The following SYNE3 variants were observed in gnomAD, a reference collection of about 807,000 sequenced individuals.
SYNE3 encodes the protein nesprin-3.
Under a neutral mutation model 111.2 loss-of-function variants are expected in SYNE3, and 100 were observed. That is an observed-to-expected ratio of 0.90 (90% CI 0.77 to 1.06). The LOEUF is 1.06. Among genes scored for constraint, SYNE3 ranks in the 50% least tolerant of loss-of-function variants. The pLI, the probability that SYNE3 is intolerant of heterozygous loss-of-function variation, is 0.00. For missense variants in SYNE3, 1,160 were observed against 1,240.3 expected (o/e 0.94, Z 0.97); for synonymous variants, 547 against 533.9 (o/e 1.02, Z -0.34).
intron 2 of SYNE3, among the ~76,000 whole-genome samples, chr14:95,473,224 C>T (rs746753502): frequency 3.3e-5 from 5 of 152,164 alleles, no homozygotes; most frequent in Non-Finnish European, 5.9e-5. Context: ...CCCACCCCCT[C>T]GGGGCTCACA....
chr14:95,420,537 C>T (rs1420034137), intron 17 of SYNE3, among the ~76,000 whole-genome samples: 2 of 152,094 alleles, frequency 1.3e-5, no homozygotes, highest in African/African-American at 4.8e-5. Flanking sequence ...CTTTGAAGGT[C>T]CAAAAAGTGT....
rs957820732 is a variant in SYNE3 at position 95,513,861 on chromosome 14, C to T, written c.-15+2735G>A. On this transcript the variant is annotated intron_variant, in intron 1 of 17. Transcript: ENST00000682763. ...TCAGTACTGTTTTCCCAGTGATGAA[C>T]GTACAACTTTGTCCTTGGATTGTCT... 6.6e-5 allele frequency among the ~76,000 whole-genome samples: 10 copies of T among 150,444 alleles called. 1 individual carries two copies. In the South Asian group the frequency reaches 8.4e-4, roughly 13 times the overall value.
intron 17 of SYNE3, among the ~76,000 whole-genome samples, chr14:95,428,744 C>G (rs934936714): frequency 6.6e-6 from 1 of 152,244 alleles, no homozygotes; most frequent in African/African-American, 2.4e-5. Flanking sequence ...CTCAATGCTG[C>G]AGGCAAACAC....
chr14:95,458,679 A>G lies in SYNE3; in HGVS notation c.628-1341T>C, dbSNP rs1057219459. On this transcript the variant is annotated intron_variant, in intron 4 of 17. Transcript: ENST00000682763. ...CTTCATCACAGCAGTTGTCCATGGC[A>G]TCGTCACCCACTGGGGGATCCAGGA... 2.0e-5 allele frequency among the ~76,000 whole-genome samples: 3 copies of G among 152,198 alleles called. No individual in the cohort carries two copies. In the East Asian group the frequency reaches 5.8e-4, roughly 29 times the overall value.
intron 15 of SYNE3, among the ~76,000 whole-genome samples, chr14:95,433,876 G>C (rs959356167): frequency 6.6e-6 from 1 of 152,156 alleles, no homozygotes; most frequent in Non-Finnish European, 1.5e-5. Context: ...TGATGGGGCA[G>C]TAGGAGCGGG....
rs1314451566 is a variant in SYNE3 at position 95,457,381 on chromosome 14, C to T, written c.628-43G>A. ...TCACCAGCCATGAGGGTCCCCAGCC[C>T]AGACAGCCCAAAGGCCAGAAAGCCC... On this transcript the variant is annotated intron_variant, in intron 4 of 17. Transcript: ENST00000682763. The T allele has an allele frequency of 2.5e-6, 4 of 1,601,268 alleles. No individual in the cohort carries two copies. In the African/African-American group the frequency reaches 5.4e-5, roughly 21 times the overall value.
rs11622091 is a variant in SYNE3, at chr14:95,500,470, C to T, written c.-15+16126G>A. 0.13 allele frequency among the ~76,000 whole-genome samples: 20,103 copies of T among 152,208 alleles called. 1,610 individuals are homozygous for T. Among genetic ancestry groups the T allele is most frequent in the Non-Finnish European group, 0.17 (11,672 of 67,988 alleles). ...TTGAGTCCCCAGACCTCAGCACCAG[C>T]GGCCGCCCACAGCCAGGCAGCAGGG... is the stretch of plus-strand genomic sequence containing the variant. On this transcript the variant is annotated intron_variant, in intron 1 of 17. Transcript: ENST00000682763. This position sits in a 1 kb window ranked among gnomAD's most constrained non-coding sequence, Gnocchi z 4.7.
In SYNE3 at chr14:95,444,542, G is replaced by A. The variant is rs760945215; in HGVS notation, c.1719C>T (p.Ala573=). The change falls in exon 10 of 18, where the codon GCC becomes GCT. Residue 573 remains alanine, a synonymous_variant. Transcript: ENST00000682763. ...KLLDLQVRVQ[A]EKGLQRDLPG... ...GAAGGTCCCGCTGAAGCCCCTTCTC[G>A]GCTTGGACCCTGACCTGGAGGTCCA... is the stretch of plus-strand genomic sequence containing the variant. 25 of 1,613,516 alleles carry A rather than the reference G, an allele frequency of 1.5e-5. No individual in the cohort carries two copies. The highest frequency in any genetic ancestry group is 1.2e-4 in the Admixed American group (7 of 59,984).
At chr14:95,473,772 C>A (rs60073301) in intron 2 of SYNE3, among the ~76,000 whole-genome samples, 1,640 of 30,172 alleles carry the variant, frequency 0.054, 2 homozygotes, top group African/African-American at 0.071. Flanking sequence ...GGCTGGAGCT[C>A]AGGCCAGTGT....
At chr14:95,447,775 C>G (rs1020510722) in intron 8 of SYNE3, among the ~76,000 whole-genome samples, 6 of 152,158 alleles carry the variant, frequency 3.9e-5, no homozygotes, top group African/African-American at 1.2e-4. Context: ...GATCATGAGT[C>G]TGGATTATGT....
intron 1 of SYNE3, among the ~76,000 whole-genome samples, chr14:95,489,120 G>A (rs1438572658): frequency 6.6e-6 from 1 of 152,224 alleles, no homozygotes; most frequent in Non-Finnish European, 1.5e-5. Context: ...TTCTCAGGGT[G>A]CTGCCAGCCA....
At chr14:95,471,143 GC>G (rs1888505449) in intron 2 of SYNE3, among the ~76,000 whole-genome samples, 1 of 152,204 alleles carries the variant, frequency 6.6e-6, no homozygotes, top group South Asian at 2.1e-4. Flanking sequence ...CTCTACAGCT[GC>G]CAGAGAAGCC....
At position 95,409,976 on chromosome 14, in the gene SYNE3, A is replaced by G. The variant is rs1903391597; in HGVS notation, c.*7850T>C. 6.4e-6 allele frequency: 1 copy of G among 156,538 alleles called. No individual in the cohort carries two copies. Among genetic ancestry groups the G allele is most frequent in the African/African-American group, 2.4e-5 (1 of 41,482 alleles). 9.7% of individuals were successfully genotyped at this position (156,538 alleles called of 1,614,324 possible). ...AGCTCCTCAAGCTCAAGAAGAAATG[A>G]AAGCAAATATGCATTGCCTGGGCTG... On this transcript the variant is annotated 3_prime_UTR_variant, in exon 18 of 18. Transcript: ENST00000682763.
intron 1 of SYNE3, among the ~76,000 whole-genome samples, chr14:95,481,387 TGAG>T (rs902849755): frequency 3.3e-5 from 5 of 151,638 alleles, no homozygotes; most frequent in African/African-American, 1.2e-4. Context: ...GAGGGTGTAA[TGAG>T]GAGGAGGAGC....
Position 95,416,377 on chromosome 14 carries a change from C to T in SYNE3, c.*1449G>A, listed in dbSNP as rs1903581865. 1 of 152,234 alleles carries T rather than the reference C, an allele frequency of 6.6e-6. No homozygotes were observed. Among genetic ancestry groups the T allele is most frequent in the South Asian group, 2.1e-4 (1 of 4,828 alleles). 9.4% of individuals were successfully genotyped at this position (152,234 alleles called of 1,614,324 possible). On this transcript the variant is annotated 3_prime_UTR_variant, in exon 18 of 18. Transcript: ENST00000682763. ...CCGGACAGAAGGTCCGAGGAAATCC[C>T]CTCGTATTTGTAGTTGAACAGACAA...
rs1418927727 is a variant in SYNE3, at chr14:95,466,060, C to CT, written c.497dup (p.Ala167GlyfsTer34). On this transcript the variant is annotated frameshift_variant, in exon 4 of 18. Transcript: ENST00000682763. LOFTEE classifies it high-confidence loss of function. ...CCAGCAGCCGGTCCAGGAGCACCGC[C>CT]TGGTTGTCCACGTTGTGCAGCAGCA... 3 of 1,613,428 alleles carry CT rather than the reference C, an allele frequency of 1.9e-6. No individual in the cohort carries two copies. In the Admixed American group the frequency reaches 5.0e-5, roughly 27 times the overall value.
chr14:95,425,505 C>A (rs1480019019), intron 17 of SYNE3, among the ~76,000 whole-genome samples: 1 of 152,198 alleles, frequency 6.6e-6, no homozygotes, highest in Non-Finnish European at 1.5e-5. Context: ...TCTTCTGCAA[C>A]ATACTTTAGT....
intron 1 of SYNE3, among the ~76,000 whole-genome samples, chr14:95,497,214 G>A (rs1404231821): frequency 1.3e-5 from 2 of 152,184 alleles, no homozygotes; most frequent in Admixed American, 6.5e-5. Context: ...AGCTGCTAAG[G>A]ATTCAAACCT....
At chr14:95,492,900 A>G (rs1361971181) in intron 1 of SYNE3, among the ~76,000 whole-genome samples, 1 of 152,188 alleles carries the variant, frequency 6.6e-6, no homozygotes, top group Admixed American at 6.5e-5. Context: ...TGAATTGTAT[A>G]TTATATGAAT....
Sources: allele counts gnomAD v4.1 joint callset (sites outside exome capture counted in the v4.1 genomes callset), GRCh38; gene constraint gnomAD v4.1.1; non-coding constraint Gnocchi (gnomAD v3.1); transcripts MANE v1.5; gene names NCBI Gene and HGNC (gene_info 2026-07-23, HGNC 2026-07-21).